DAB1: variants seen among roughly 807,000 people sequenced by gnomAD.
The protein encoded by DAB1 is disabled homolog 1.
Under a neutral mutation model 64.6 loss-of-function variants are expected in DAB1, and 15 were observed. The observed-to-expected ratio is 0.23, with a 90% CI of 0.16 to 0.36. DAB1 has a LOEUF of 0.36. Among genes scored for constraint, DAB1 ranks in the 10% least tolerant of loss-of-function variants. The pLI, the probability that DAB1 is intolerant of heterozygous loss-of-function variation, is 1.00. For synonymous variants in DAB1, 235 were observed against 251.9 expected (o/e 0.93, Z 0.64); for missense variants, 596 against 706.7 (o/e 0.84, Z 1.78).
intron 6 of DAB1, among the ~76,000 whole-genome samples, chr1:57,778,926 T>C (rs1649941343): frequency 2.6e-5 from 4 of 151,750 alleles, no homozygotes; most frequent in Admixed American, 2.6e-4. Flanking sequence ...CCTTCCTTTA[T>C]TCTTTCCTTC....
chr1:57,827,311 T>C (rs1335340964), intron 1 of DAB1, among the ~76,000 whole-genome samples: 3 of 152,220 alleles, frequency 2.0e-5, no homozygotes, highest in Non-Finnish European at 4.4e-5. Flanking sequence ...GACCCATTGG[T>C]CAGGAAGAAA....
At position 58,312,603 on chromosome 1, in the gene DAB1, A is replaced by G. The variant is rs185313461; in HGVS notation, n.309+30749T>C. Among the ~76,000 whole-genome samples, 135 of 152,362 alleles carry G rather than the reference A, an allele frequency of 8.9e-4. 1 individual carries two copies. Among genetic ancestry groups the G allele is most frequent in the Middle Eastern group, 6.8e-3 (2 of 294 alleles). On this transcript the variant is annotated intron_variant and non_coding_transcript_variant, in intron 4 of 20. Coordinates refer to the DAB1 transcript ENST00000485760. ...GAAATGGGAGGTTCAGAATATGCTA[A>G]AACTTATAAGTGTGAGAGTCAATGC...
At chr1:58,047,171 T>C (rs1469795743) in intron 5 of DAB1, among the ~76,000 whole-genome samples, 4 of 152,214 alleles carry the variant, frequency 2.6e-5, no homozygotes, top group Admixed American at 1.3e-4. Context: ...AAAAGAAATA[T>C]AGCATGGGCT....
upstream of DAB1, among the ~76,000 whole-genome samples, chr1:57,427,379 C>T (rs1297563407): frequency 1.3e-5 from 2 of 152,176 alleles, no homozygotes; most frequent in Non-Finnish European, 2.9e-5. Flanking sequence ...ATAAAAGACA[C>T]AGGCATGAGC....
intron 4 of DAB1, among the ~76,000 whole-genome samples, chr1:58,184,315 A>AAT (rs997295897): frequency 2.0e-5 from 3 of 148,552 alleles, no homozygotes; most frequent in African/African-American, 4.9e-5. Flanking sequence ...ATATATTAAT[A>AAT]ATATATATAT....
intron 3 of DAB1, among the ~76,000 whole-genome samples, chr1:58,413,336 T>C (rs183073586): frequency 2.0e-5 from 3 of 152,324 alleles, no homozygotes; most frequent in Admixed American, 1.3e-4. Flanking sequence ...ATCTCACTTA[T>C]TCTTAAAAAC....
At chr1:58,499,506 ATAAATAG>A (rs1237760302) in intron 3 of DAB1, among the ~76,000 whole-genome samples, 5 of 135,436 alleles carry the variant, frequency 3.7e-5, no homozygotes, top group Non-Finnish European at 6.3e-5. Context: ...AGATAGATAG[ATAAATAG>A]ATAGATAGAT....
intron 4 of DAB1, among the ~76,000 whole-genome samples, chr1:58,242,521 A>T (rs1158699591): frequency 2.6e-5 from 4 of 152,152 alleles, no homozygotes; most frequent in Non-Finnish European, 5.9e-5. Context: ...ATCTAAAGAG[A>T]TAAGTGAAAG....
chr1:58,528,996 T>TA (rs779366124), intron 1 of DAB1, among the ~76,000 whole-genome samples: 81 of 152,040 alleles, frequency 5.3e-4, no homozygotes, highest in Non-Finnish European at 1.1e-3. Flanking sequence ...GATTCCATTA[T>TA]AAAAAAAAGC....
intron 6 of DAB1, among the ~76,000 whole-genome samples, chr1:57,665,268 T>TA (rs144857609): frequency 0.022 from 3,294 of 152,166 alleles, 45 homozygotes; most frequent in Non-Finnish European, 0.032. Context: ...AGCAACCAAA[T>TA]ACATGAAAAT....
chr1:57,510,199 C>G (rs913112565), intron 7 of DAB1, among the ~76,000 whole-genome samples: 1 of 152,192 alleles, frequency 6.6e-6, no homozygotes, highest in Non-Finnish European at 1.5e-5. Flanking sequence ...CACGCCTCTC[C>G]CAAGGACACC....
intron 1 of DAB1, among the ~76,000 whole-genome samples, chr1:57,372,060 C>T (rs142396257): frequency 6.4e-4 from 98 of 152,248 alleles, no homozygotes; most frequent in African/African-American, 2.3e-3. Flanking sequence ...GAAAATTTAG[C>T]AGAGAGGCCT....
intron 1 of DAB1, among the ~76,000 whole-genome samples, chr1:57,871,125 T>G (rs112638902): frequency 0.017 from 2,615 of 152,162 alleles, 36 homozygotes; most frequent in Non-Finnish European, 0.026. Flanking sequence ...AATATCACCC[T>G]CCTCCTCCTC....
chr1:57,252,218 C>T (rs1482962248), intron 2 of DAB1, among the ~76,000 whole-genome samples: 2 of 152,170 alleles, frequency 1.3e-5, no homozygotes, highest in Non-Finnish European at 2.9e-5. Flanking sequence ...TAATTATCAG[C>T]GCAAATCTGG....
intron 1 of DAB1, among the ~76,000 whole-genome samples, chr1:57,828,392 G>C (rs1223466914): frequency 6.6e-6 from 1 of 152,160 alleles, no homozygotes; most frequent in Non-Finnish European, 1.5e-5. Flanking sequence ...TTTTCCTTTT[G>C]ATACATTTTT....
chr1:58,499,271 G>T (rs1026046161), intron 3 of DAB1, among the ~76,000 whole-genome samples: 1 of 124,250 alleles, frequency 8.0e-6, no homozygotes, highest in Non-Finnish European at 1.6e-5. Flanking sequence ...CAAAAAGTAT[G>T]AAGTTTTGCC....
At position 57,295,652 on chromosome 1, in the gene DAB1, C is replaced by T. The variant is rs140908971; in HGVS notation, c.-136-4486G>A. ...TATAGCATGCTACCTTTTATCTTTA[C>T]AAAAAGATACACAGGATAAACAAAC... On this transcript the variant is annotated intron_variant, in intron 1 of 14. Transcript: ENST00000371236. 7.8e-4 allele frequency among the ~76,000 whole-genome samples: 118 copies of T among 152,122 alleles called. 2 individuals are homozygous for T. Among genetic ancestry groups the T allele is most frequent in the Admixed American group, 7.6e-3 (116 of 15,256 alleles).
At chr1:58,047,579 A>AT (rs533124085) in intron 5 of DAB1, among the ~76,000 whole-genome samples, 5 of 152,056 alleles carry the variant, frequency 3.3e-5, no homozygotes, top group Admixed American at 6.5e-5. Context: ...ACTAATTTTG[A>AT]TTTTTTTTAA....
chr1:57,343,781 C>A lies in DAB1; in HGVS notation c.-136-52615G>T, dbSNP rs190555191. On this transcript the variant is annotated intron_variant, in intron 1 of 14. Coordinates refer to ENST00000371236, the MANE Select transcript of DAB1 (RefSeq NM_001365792.1). ...GGTGTGCAGCCCCGGTTCCCACCGA[C>A]GCCTCTCCATCCACACCTCCCCAAA... Among the ~76,000 whole-genome samples the A allele has an allele frequency of 1.8e-4, 28 of 152,314 alleles. 1 individual carries two copies. The East Asian group carries it at 4.8e-3, about 26-fold the overall frequency.
Sources: allele counts gnomAD v4.1 joint callset (sites outside exome capture counted in the v4.1 genomes callset), GRCh38; gene constraint gnomAD v4.1.1; transcripts MANE v1.5; gene names NCBI Gene and HGNC (gene_info 2026-07-23, HGNC 2026-07-21).